GAN: variants seen among roughly 807,000 people sequenced by gnomAD.
The protein encoded by GAN is gigaxonin.
A neutral mutation model predicts 71.3 loss-of-function variants in GAN; 48 were observed. The ratio of observed to expected loss-of-function variants is 0.67; its 90% CI spans 0.53 to 0.86. The LOEUF is 0.86. GAN is among the 40% of genes least tolerant of loss of function. The pLI is 0.00. For synonymous variants in GAN, 386 were observed against 276.8 expected (o/e 1.39, Z -3.92); for missense variants, 928 against 770.1 (o/e 1.21, Z -2.43).
At chr16:81,353,434 A>C (rs1007577001) in intron 2 of GAN, among the ~76,000 whole-genome samples, 2 of 152,200 alleles carry the variant, frequency 1.3e-5, no homozygotes, top group Non-Finnish European at 2.9e-5. Flanking sequence ...CTTGTGGCTA[A>C]ATATAATGTC....
chr16:81,368,992 T>A (rs1910951212), intron 9 of GAN, among the ~76,000 whole-genome samples: 1 of 152,240 alleles, frequency 6.6e-6, no homozygotes, highest in South Asian at 2.1e-4. Flanking sequence ...GTTTCACCCT[T>A]TTTTAGTATC....
At chr16:81,330,468 G>T (rs1909538578) in intron 1 of GAN, among the ~76,000 whole-genome samples, 2 of 152,180 alleles carry the variant, frequency 1.3e-5, no homozygotes, top group African/African-American at 4.8e-5. Context: ...TATAACATTG[G>T]ATTCTACTCC....
intron 1 of GAN, among the ~76,000 whole-genome samples, chr16:81,344,251 G>C (rs1322152136): frequency 2.0e-5 from 3 of 152,080 alleles, no homozygotes; most frequent in Non-Finnish European, 4.4e-5. Context: ...CACAGAATTG[G>C]AAAAACTACT....
rs1296914389 is a variant in GAN at position 81,383,281 on chromosome 16, C to G, written c.*5685C>G. The stretch of plus-strand genomic sequence containing the variant: ...TTTTTTTTTTTTTTTGAGACGGAGT[C>G]TCGCTCTGTCGCCTAGGCTGGAGTG... On this transcript the variant is annotated 3_prime_UTR_variant, in exon 11 of 11. Coordinates refer to ENST00000648994, the MANE Select transcript of GAN (RefSeq NM_022041.4). 1 of 109,980 alleles carries G rather than the reference C, an allele frequency of 9.1e-6. No individual in the cohort carries two copies. Among genetic ancestry groups the G allele is most frequent in the Non-Finnish European group, 1.7e-5 (1 of 59,854 alleles). The allele number at this position is 109,980 out of a possible 1,614,324, so 6.8% of individuals were successfully genotyped here. A position where few individuals can be genotyped will look rare whatever the true frequency, so the allele number is the denominator to read the frequency against.
At chr16:81,318,750 T>C (rs1225181808) in intron 1 of GAN, among the ~76,000 whole-genome samples, 1 of 152,156 alleles carries the variant, frequency 6.6e-6, no homozygotes, top group Non-Finnish European at 1.5e-5. Context: ...ATTTTAAATA[T>C]AAAAGGAAAA....
intron 9 of GAN, among the ~76,000 whole-genome samples, chr16:81,370,795 C>T (rs1051446810): frequency 3.3e-5 from 5 of 152,250 alleles, no homozygotes; most frequent in Admixed American, 3.3e-4. Flanking sequence ...TTTTCTGTTT[C>T]ATTGATTCCT....
chr16:81,365,102 A>G lies in GAN; in HGVS notation c.1365A>G (p.Lys455=). Residue 455 remains lysine (K), a synonymous_variant, in exon 8 of 11, where the codon AAA becomes AAG. Transcript: ENST00000648994. ...TQQWTAICPL[K]ERRFGAVACG... ...AGTGGACTGCCATATGTCCACTAAA[A>G]GAGAGGAGGTACGTGGCTGTGGGGT... 6.2e-7 allele frequency: 1 copy of G among 1,613,872 alleles called. No homozygotes were observed. The highest frequency in any genetic ancestry group is 8.5e-7 in the Non-Finnish European group (1 of 1,179,900).
intron 1 of GAN, among the ~76,000 whole-genome samples, chr16:81,346,456 G>T (rs1003831147): frequency 1.3e-5 from 2 of 152,162 alleles, no homozygotes; most frequent in South Asian, 2.1e-4. Context: ...GAGCTTTCCT[G>T]CCTGAGCTCC....
In GAN at chr16:81,353,587, C is replaced by T. The variant is rs116910879; in HGVS notation, c.283-818C>T. ...AAAAGTGTAAAATGTAAAAATGTTT[C>T]TTGCTATACTCCTCATGAAGTCTCC... On this transcript the variant is annotated intron_variant, in intron 2 of 10. Coordinates refer to ENST00000648994, the MANE Select transcript of GAN (RefSeq NM_022041.4). 1.4e-3 allele frequency among the ~76,000 whole-genome samples: 207 copies of T among 152,196 alleles called. 4 individuals carry two copies. In the East Asian group the frequency reaches 0.037, roughly 27 times the overall value.
chr16:81,315,885 C>G (rs1032524800), intron 1 of GAN, among the ~76,000 whole-genome samples: 3 of 152,250 alleles, frequency 2.0e-5, no homozygotes, highest in African/African-American at 4.8e-5. Context: ...GTCCGAACCT[C>G]CGGGCGAAAT....
At chr16:81,348,977 C>G (rs1262938313) in intron 1 of GAN, among the ~76,000 whole-genome samples, 3 of 152,122 alleles carry the variant, frequency 2.0e-5, no homozygotes, top group African/African-American at 7.2e-5. Flanking sequence ...TACAATACAC[C>G]TACCCTCAAA....
intron 1 of GAN, among the ~76,000 whole-genome samples, chr16:81,335,926 A>G (rs1467890205): frequency 6.6e-6 from 1 of 152,128 alleles, no homozygotes; most frequent in Admixed American, 6.5e-5. Flanking sequence ...GCTCAGTGAG[A>G]GGAGGTGGGT....
intron 1 of GAN, among the ~76,000 whole-genome samples, chr16:81,340,496 G>A: frequency 6.6e-6 from 1 of 152,258 alleles, no homozygotes; most frequent in Admixed American, 6.5e-5. Context: ...GGCAAACAGG[G>A]TCTGGAATGG....
chr16:81,328,288 C>G (rs991525289), intron 1 of GAN, among the ~76,000 whole-genome samples: 1 of 152,106 alleles, frequency 6.6e-6, no homozygotes, highest in African/African-American at 2.4e-5. Flanking sequence ...CTATATTTAC[C>G]TGTTATTTAC....
intron 9 of GAN, among the ~76,000 whole-genome samples, chr16:81,374,178 A>T (rs563100482): frequency 6.6e-6 from 1 of 152,214 alleles, no homozygotes; most frequent in Non-Finnish European, 1.5e-5. Flanking sequence ...CAGTTTGGCA[A>T]TACCACAGAA....
chr16:81,362,914 T>G (rs1910726090), intron 6 of GAN, among the ~76,000 whole-genome samples: 1 of 152,154 alleles, frequency 6.6e-6, no homozygotes, highest in Non-Finnish European at 1.5e-5. Context: ...CGGGCCTCCC[T>G]CCTGCCTCTT....
intron 1 of GAN, among the ~76,000 whole-genome samples, chr16:81,336,068 C>G (rs1013522808): frequency 5.9e-5 from 9 of 152,156 alleles, no homozygotes; most frequent in Non-Finnish European, 1.2e-4. Flanking sequence ...CTACCCTCAG[C>G]ACTCCTCTAA....
chr16:81,365,094 C>T lies in GAN; in HGVS notation c.1357C>T (p.Pro453Ser). ...GACCCAGCAGTGGACTGCCATATGT[C>T]CACTAAAAGAGAGGAGGTACGTGGC... ...PRTQQWTAIC[P>S]LKERRFGAVA... Residue 453 changes from proline (P) to serine (S), a missense_variant, in exon 8 of 11, where the codon CCA (proline) becomes TCA (serine). Coordinates refer to ENST00000648994, the MANE Select transcript of GAN (RefSeq NM_022041.4). 1.2e-6 allele frequency: 2 copies of T among 1,613,864 alleles called. No individual in the cohort carries two copies. The highest frequency in any genetic ancestry group is 1.7e-6 in the Non-Finnish European group (2 of 1,179,882).
intron 1 of GAN, among the ~76,000 whole-genome samples, chr16:81,345,013 C>G (rs1910070216): frequency 6.6e-6 from 1 of 152,224 alleles, no homozygotes; most frequent in African/African-American, 2.4e-5. Flanking sequence ...CTCATCATAA[C>G]TGGCCATTAG....
Sources: allele counts gnomAD v4.1 joint callset (sites outside exome capture counted in the v4.1 genomes callset), GRCh38; gene constraint gnomAD v4.1.1; transcripts MANE v1.5; gene names NCBI Gene and HGNC (gene_info 2026-07-23, HGNC 2026-07-21).